Variants in PTPRD observed in about 807,000 individuals in gnomAD.
PTPRD encodes protein tyrosine phosphatase receptor type D, also known as receptor-type tyrosine-protein phosphatase delta.
PTPRD carries 34 observed loss-of-function variants against 214.5 expected under a neutral mutation model. That is an observed-to-expected ratio of 0.16 (90% CI 0.12 to 0.21). PTPRD has a LOEUF of 0.21. Among genes scored for constraint, PTPRD ranks in the 10% least tolerant of loss-of-function variants. PTPRD has a pLI of 1.00. For synonymous variants in PTPRD, 1,128 were observed against 845.7 expected, an observed-to-expected ratio of 1.33 and a Z score of -5.79; for missense variants, 2,545 against 2,398.7, an observed-to-expected ratio of 1.06 and a Z score of -1.27.
chr9:9,455,966 C>G (rs1296247969), intron 8 of PTPRD, among the ~76,000 whole-genome samples: 1 of 151,664 alleles, frequency 6.6e-6, no homozygotes, highest in East Asian at 1.9e-4. Context: ...CTTGAACAAT[C>G]AATATTTAAC....
chr9:9,224,943 T>C (rs146279107), intron 9 of PTPRD, among the ~76,000 whole-genome samples: 2 of 152,084 alleles, frequency 1.3e-5, no homozygotes, highest in African/African-American at 4.8e-5. Flanking sequence ...AAAAAATCAG[T>C]TTGATAATTT....
intron 9 of PTPRD, among the ~76,000 whole-genome samples, chr9:9,342,685 C>G (rs2047254231): frequency 6.7e-6 from 1 of 148,350 alleles, no homozygotes; most frequent in South Asian, 2.2e-4. Flanking sequence ...CCAAGGCAGT[C>G]TCACAAATTG....
intron 8 of PTPRD, among the ~76,000 whole-genome samples, chr9:9,554,895 G>T (rs2081144221): frequency 6.6e-6 from 1 of 152,016 alleles, no homozygotes; most frequent in South Asian, 2.1e-4. Flanking sequence ...ATGAAATAAA[G>T]TCTATCTGCA....
At chr9:9,580,459 A>C (rs940404036) in intron 7 of PTPRD, among the ~76,000 whole-genome samples, 19 of 152,030 alleles carry the variant, frequency 1.2e-4, no homozygotes, top group African/African-American at 4.6e-4. Flanking sequence ...GATGATTAGT[A>C]ATGATGAGCA....
intron 9 of PTPRD, among the ~76,000 whole-genome samples, chr9:9,332,600 C>G (rs971342685): frequency 6.7e-6 from 1 of 150,094 alleles, no homozygotes; most frequent in African/African-American, 2.4e-5. Context: ...AACCTCTATA[C>G]TGAGCTTGGG....
At chr9:10,394,050 T>C (rs1255896773) in intron 2 of PTPRD, among the ~76,000 whole-genome samples, 1 of 145,312 alleles carries the variant, frequency 6.9e-6, no homozygotes, top group Non-Finnish European at 1.5e-5. Flanking sequence ...TACCCATATA[T>C]ACATATTATA....
intron 9 of PTPRD, among the ~76,000 whole-genome samples, chr9:9,358,497 AAAT>A (rs2054726092): frequency 6.6e-6 from 1 of 151,282 alleles, no homozygotes; most frequent in Non-Finnish European, 1.5e-5. Context: ...AGCTGATTTT[AAAT>A]AATAAAAAGC....
At chr9:8,760,711 A>G (rs569649772) in intron 11 of PTPRD, among the ~76,000 whole-genome samples, 1 of 152,074 alleles carries the variant, frequency 6.6e-6, no homozygotes, top group East Asian at 1.9e-4. Context: ...ATGGGAATGT[A>G]TATCTCCCTT....
At chr9:8,782,178 T>C (rs923442693) in intron 11 of PTPRD, among the ~76,000 whole-genome samples, 2 of 146,376 alleles carry the variant, frequency 1.4e-5, no homozygotes, top group Non-Finnish European at 3.0e-5. Context: ...TGGTATAAAA[T>C]TGCATATGTG....
At position 8,317,308 on chromosome 9, in the gene PTPRD, TAAAA is replaced by T. The variant is rs944950989; in HGVS notation, c.*562_*565del. On this transcript the variant is annotated 3_prime_UTR_variant, in exon 46 of 46. Transcript: ENST00000381196. ...CACTTTATCGAATGATACATTTTGT[TAAAA>T]AAAAGTTTACACAGTTAGAAATGAA... is the stretch of plus-strand genomic sequence containing the variant. The T allele has an allele frequency of 1.3e-5, 3 of 231,974 alleles. No homozygotes were observed. The highest frequency in any genetic ancestry group is 2.6e-5 in the Non-Finnish European group (3 of 117,136). The allele number at this position is 231,974 out of a possible 1,614,324, so 14.4% of individuals were successfully genotyped here.
chr9:10,284,211 C>T (rs1466207461), intron 3 of PTPRD, among the ~76,000 whole-genome samples: 1 of 151,810 alleles, frequency 6.6e-6, no homozygotes, highest in Non-Finnish European at 1.5e-5. Flanking sequence ...TGACAGAGAC[C>T]CCATCTCAAA....
At chr9:10,255,369 T>C (rs948410303) in intron 3 of PTPRD, among the ~76,000 whole-genome samples, 4 of 152,188 alleles carry the variant, frequency 2.6e-5, no homozygotes, top group African/African-American at 9.7e-5. Context: ...TAATACTGAA[T>C]GCCATAAGCA....
chr9:9,058,275 TA>T (rs200713311), intron 10 of PTPRD, among the ~76,000 whole-genome samples: 1,954 of 152,088 alleles, frequency 0.013, 13 homozygotes, highest in Non-Finnish European at 0.021. Flanking sequence ...AGCAGTGTCT[TA>T]TGCAATGTCA....
intron 5 of PTPRD, among the ~76,000 whole-genome samples, chr9:9,834,313 A>G (rs1459270382): frequency 6.6e-6 from 1 of 151,970 alleles, no homozygotes; most frequent in African/African-American, 2.4e-5. Context: ...ATTTATCATA[A>G]TCTCCATGCT....
intron 12 of PTPRD, among the ~76,000 whole-genome samples, chr9:8,681,670 G>A (rs1389293346): frequency 1.3e-5 from 2 of 152,134 alleles, no homozygotes; most frequent in African/African-American, 2.4e-5. Flanking sequence ...CGATGTGCAT[G>A]CGTCATATAG....
intron 3 of PTPRD, among the ~76,000 whole-genome samples, chr9:10,293,306 T>C (rs1011973948): frequency 1.3e-5 from 2 of 151,960 alleles, no homozygotes; most frequent in African/African-American, 4.8e-5. Context: ...ATAATGATTC[T>C]TTTTCCTTAG....
intron 11 of PTPRD, among the ~76,000 whole-genome samples, chr9:8,820,732 C>G (rs73431034): frequency 3.9e-5 from 6 of 152,122 alleles, no homozygotes; most frequent in African/African-American, 1.4e-4. Context: ...ACACACCACA[C>G]ACACACACAC....
intron 7 of PTPRD, among the ~76,000 whole-genome samples, chr9:9,585,352 C>G (rs1440301429): frequency 6.6e-6 from 1 of 152,092 alleles, no homozygotes; most frequent in Non-Finnish European, 1.5e-5. Flanking sequence ...TGTACTTAGA[C>G]ACTTGGTTGA....
At chr9:9,566,760 A>G (rs950417796) in intron 8 of PTPRD, among the ~76,000 whole-genome samples, 3 of 152,062 alleles carry the variant, frequency 2.0e-5, no homozygotes, top group African/African-American at 7.2e-5. Context: ...TGGGGCAGTA[A>G]AACCTTTGGA....
Sources: gnomAD v4.1 joint callset for allele counts (sites outside exome capture counted in the v4.1 genomes callset) on GRCh38, gnomAD v4.1.1 for gene constraint, MANE v1.5 for transcripts, NCBI Gene and HGNC (gene_info 2026-07-23, HGNC 2026-07-21) for gene names.